The following RASL12 variants were observed in gnomAD, a reference collection of about 807,000 sequenced individuals.
The protein encoded by RASL12 is RAS like family 12.
A neutral mutation model predicts 22.9 loss-of-function variants in RASL12; 16 were observed. The observed-to-expected ratio is 0.70, with a 90% confidence interval of 0.47 to 1.06. RASL12 has a LOEUF of 1.06. Among genes scored for constraint, RASL12 ranks in the 50% least tolerant of loss-of-function variants. The pLI, the probability that RASL12 is intolerant of heterozygous loss-of-function variation, is 0.00. For missense variants in RASL12, 306 were observed against 353.1 expected (o/e 0.87, Z 1.07); for synonymous variants, 159 against 152.2 (o/e 1.04, Z -0.33).
At chr15:65,069,115 T>C (rs1210301526), upstream of RASL12, among the ~76,000 whole-genome samples, 2 of 152,156 alleles carry the variant, frequency 1.3e-5, no homozygotes, top group Admixed American at 6.5e-5. Context: ...AGAGGAACCA[T>C]GGAAAACCAG....
downstream of RASL12, chr15:65,049,610 ACAGG>A (rs147379635): frequency 0.025 from 3,832 of 154,982 alleles, 152 homozygotes; most frequent in African/African-American, 0.075. Context: ...CGGACGCTGA[ACAGG>A]CAGGCGAAGA....
intron 2 of RASL12, among the ~76,000 whole-genome samples, chr15:65,063,290 T>C (rs2086835126): frequency 6.6e-6 from 1 of 152,202 alleles, no homozygotes; most frequent in Non-Finnish European, 1.5e-5. Context: ...TTTGAGTCCC[T>C]GCCCTTGGGA....
At chr15:65,062,918 G>C (rs1309566483) in intron 2 of RASL12, among the ~76,000 whole-genome samples, 1 of 152,222 alleles carries the variant, frequency 6.6e-6, no homozygotes, top group African/African-American at 2.4e-5. Flanking sequence ...GAGAGTCTGA[G>C]GGGAGAATGT....
In RASL12 at chr15:65,059,458, T is replaced by C. The variant is rs761349219; in HGVS notation, c.161-40A>G. The C allele has an allele frequency of 5.2e-6, 8 of 1,531,638 alleles. No homozygotes were observed. In the Admixed American group the frequency reaches 1.3e-4, roughly 26 times the overall value. 94.9% of individuals were successfully genotyped at this position (1,531,638 alleles called of 1,614,324 possible). On this transcript the variant is annotated intron_variant, in intron 2 of 4. Transcript: ENST00000220062. ...GTTAGCCAGGTCAGACACAGTGCCTTGGGTGTAAGTTTGAGCTTCCCTCTG... is the reference window on the plus strand; with the variant it reads ...GTTAGCCAGGTCAGACACAGTGCCTCGGGTGTAAGTTTGAGCTTCCCTCTG...
chr15:65,067,229 T>TC (rs1369099687), intron 1 of RASL12, among the ~76,000 whole-genome samples: 2 of 151,462 alleles, frequency 1.3e-5, no homozygotes, highest in Admixed American at 6.6e-5. Context: ...CGGGAAGTCT[T>TC]CCCCCAAGCC....
chr15:65,050,830 C>CTTTTTTTTTTTTTTTT (rs1206139825), downstream of RASL12, among the ~76,000 whole-genome samples: 2 of 48,538 alleles, frequency 4.1e-5, no homozygotes, highest in African/African-American at 1.1e-4. Context: ...CTTTCTTCTT[C>CTTTTTTTTTTTTTTTT]TTCTTCTTTT....
chr15:65,057,333 G>A (rs1028827582), intron 4 of RASL12, among the ~76,000 whole-genome samples: 63 of 152,206 alleles, frequency 4.1e-4, no homozygotes, highest in African/African-American at 1.4e-3. Context: ...TGGCCACAGA[G>A]GACAAAGGTC....
chr15:65,061,729 T>C (rs570710867), intron 2 of RASL12, among the ~76,000 whole-genome samples: 3 of 152,138 alleles, frequency 2.0e-5, no homozygotes, highest in African/African-American at 7.2e-5. Flanking sequence ...CACGTCAGAG[T>C]GTATACAGGG....
At chr15:65,061,084 C>T (rs899713852) in intron 2 of RASL12, among the ~76,000 whole-genome samples, 1 of 152,210 alleles carries the variant, frequency 6.6e-6, no homozygotes, top group Admixed American at 6.5e-5. Context: ...CCTCAATGGG[C>T]GCAGTGTCCT....
Sources: gnomAD v4.1 joint callset for allele counts (sites outside exome capture counted in the v4.1 genomes callset) on GRCh38, gnomAD v4.1.1 for gene constraint, MANE v1.5 for transcripts, NCBI Gene and HGNC (gene_info 2026-07-23, HGNC 2026-07-21) for gene names.